DLGAP1: variants seen among roughly 807,000 people sequenced by gnomAD.
DLGAP1 encodes DLG associated protein 1, also known as disks large-associated protein 1.
DLGAP1 carries 11 observed loss-of-function variants against 90.8 expected under a neutral mutation model. The ratio of observed to expected loss-of-function variants is 0.12; its 90% CI spans 0.08 to 0.20. The LOEUF is 0.20. DLGAP1 is among the 10% of genes least tolerant of loss of function. The pLI is 1.00. For missense variants in DLGAP1, 1,050 were observed against 1,333.8 expected (o/e 0.79, Z 3.31); for synonymous variants, 558 against 540.7 (o/e 1.03, Z -0.44).
At chr18:3,974,131 G>A (rs1698254498) in intron 3 of DLGAP1, among the ~76,000 whole-genome samples, 1 of 151,990 alleles carries the variant, frequency 6.6e-6, no homozygotes, top group Non-Finnish European at 1.5e-5. Context: ...CTGGAGTGCA[G>A]TGGCGCAATC....
chr18:4,114,547 G>A (rs148068648), intron 2 of DLGAP1, among the ~76,000 whole-genome samples: 23 of 152,138 alleles, frequency 1.5e-4, no homozygotes, highest in African/African-American at 3.9e-4. Context: ...GGATCTTATC[G>A]TCAGTGAAGA....
intron 2 of DLGAP1, among the ~76,000 whole-genome samples, chr18:4,020,369 T>G (rs1472383421): frequency 2.0e-5 from 3 of 152,204 alleles, no homozygotes; most frequent in African/African-American, 7.2e-5. Context: ...TGAATAATAA[T>G]TCTATGCTTT....
intron 12 of DLGAP1, among the ~76,000 whole-genome samples, chr18:3,500,735 TAA>T (rs2049886234): frequency 1.3e-5 from 2 of 152,224 alleles, no homozygotes; most frequent in African/African-American, 4.8e-5. Context: ...TCAAGCTAAC[TAA>T]TGATTTACTA....
At chr18:3,684,887 G>A (rs2060643021) in intron 7 of DLGAP1, among the ~76,000 whole-genome samples, 1 of 152,234 alleles carries the variant, frequency 6.6e-6, no homozygotes, top group South Asian at 2.1e-4. Context: ...TAACTTATTT[G>A]ATAAAGTCAA....
chr18:4,051,712 T>C (rs758081196), intron 2 of DLGAP1, among the ~76,000 whole-genome samples: 10 of 151,440 alleles, frequency 6.6e-5, no homozygotes, highest in Admixed American at 2.0e-4. Flanking sequence ...AGGTCTCAAC[T>C]CATTCTAGCA....
At chr18:3,772,457 C>T (rs868510272) in intron 5 of DLGAP1, among the ~76,000 whole-genome samples, 1 of 43,396 alleles carries the variant, frequency 2.3e-5, no homozygotes, top group Non-Finnish European at 5.2e-5. Context: ...CCCCCACCCC[C>T]CTCTTTCTTT....
At chr18:3,989,898 G>T in intron 3 of DLGAP1, among the ~76,000 whole-genome samples, 1 of 152,078 alleles carries the variant, frequency 6.6e-6, no homozygotes, top group Non-Finnish European at 1.5e-5. Context: ...ATCATCACTG[G>T]CCATCAGAGA....
chr18:3,570,925 T>A (rs2054740950), intron 8 of DLGAP1, among the ~76,000 whole-genome samples: 2 of 125,612 alleles, frequency 1.6e-5, no homozygotes, highest in African/African-American at 2.9e-5. Flanking sequence ...CAAGACAGTG[T>A]CTCAAAAAAA....
At chr18:3,878,237 A>G (rs1246091588) in intron 4 of DLGAP1, 1 of 151,902 alleles carries the variant, frequency 6.6e-6, no homozygotes, top group Non-Finnish European at 1.5e-5. Context: ...GGAAAAGATG[A>G]GAGTTCTTAT....
Position 4,080,890 on chromosome 18 carries a change from C to CT in DLGAP1, c.-159+70289dup, listed in dbSNP as rs71160939. On this transcript the variant is annotated intron_variant, in intron 2 of 12. Transcript: ENST00000315677. ...ATGCATGTTAATAGATTTGAATGCCCTTTTTTTTTTTTTTTGAGATGAAGT... is the reference window on the plus strand; with the variant it reads ...ATGCATGTTAATAGATTTGAATGCCCTTTTTTTTTTTTTTTTGAGATGAAGT... Among the ~76,000 whole-genome samples the CT allele has an allele frequency of 2.6e-3, 378 of 145,602 alleles. 1 individual carries two copies. The highest frequency in any genetic ancestry group is 3.5e-3 in the Middle Eastern group (1 of 282).
intron 5 of DLGAP1, among the ~76,000 whole-genome samples, chr18:3,768,647 C>T (rs1249190216): frequency 6.6e-6 from 1 of 152,146 alleles, no homozygotes; most frequent in Admixed American, 6.5e-5. Flanking sequence ...CAAAACCTCC[C>T]TAACTGATTA....
chr18:3,758,679 G>T (rs535589376), intron 5 of DLGAP1, among the ~76,000 whole-genome samples: 49 of 152,270 alleles, frequency 3.2e-4, no homozygotes, highest in African/African-American at 1.2e-3. Context: ...TCAAGGGCAG[G>T]AATCACATGT....
At chr18:3,664,796 C>T (rs1425017247) in intron 7 of DLGAP1, among the ~76,000 whole-genome samples, 4 of 152,202 alleles carry the variant, frequency 2.6e-5, no homozygotes, top group Admixed American at 1.3e-4. Context: ...CATGTCTGGA[C>T]ATAGTAAGTG....
At chr18:4,228,842 G>A (rs1353569651) in intron 1 of DLGAP1, among the ~76,000 whole-genome samples, 1 of 151,646 alleles carries the variant, frequency 6.6e-6, no homozygotes, top group African/African-American at 2.4e-5. Flanking sequence ...CCTAGCTAGG[G>A]CAGTCAACAA....
intron 1 of DLGAP1, among the ~76,000 whole-genome samples, chr18:4,177,831 T>C (rs2077136410): frequency 6.6e-6 from 1 of 152,240 alleles, no homozygotes; most frequent in African/African-American, 2.4e-5. Flanking sequence ...CATTCCGTCA[T>C]GAATATGTAC....
At chr18:4,443,899 A>G (rs1326016033) in intron 1 of DLGAP1, among the ~76,000 whole-genome samples, 2 of 152,246 alleles carry the variant, frequency 1.3e-5, no homozygotes, top group African/African-American at 2.4e-5. Flanking sequence ...AACCCAAATT[A>G]CTTGGATATA....
chr18:4,008,830 TAGA>T lies in DLGAP1; in HGVS notation c.-158-3632_-158-3630del, dbSNP rs771640604. 2.3e-3 allele frequency among the ~76,000 whole-genome samples: 357 copies of T among 152,284 alleles called. 2 individuals carry two copies. Among genetic ancestry groups the T allele is most frequent in the African/African-American group, 7.6e-3 (314 of 41,562 alleles). On this transcript the variant is annotated intron_variant, in intron 2 of 12. Transcript: ENST00000315677. Reference sequence around the variant, plus strand: ...AAATGGGAACTGGATTATTCAAAGGTAGAAGAAGAAGAAGAAATGCTGCTGCTG... The same window carrying T: ...AAATGGGAACTGGATTATTCAAAGGTAGAAGAAGAAGAAATGCTGCTGCTG...
intron 1 of DLGAP1, among the ~76,000 whole-genome samples, chr18:4,333,623 A>ATTT (rs373517542): frequency 7.1e-6 from 1 of 141,106 alleles, no homozygotes. Flanking sequence ...TATATATATA[A>ATTT]TTTTTTTTTT....
At chr18:3,952,484 C>G (rs994379567) in intron 3 of DLGAP1, among the ~76,000 whole-genome samples, 8 of 152,188 alleles carry the variant, frequency 5.3e-5, no homozygotes, top group South Asian at 2.1e-4. Context: ...TGGCATCGGA[C>G]CACGGCAAAG....
Sources: allele counts gnomAD v4.1 joint callset (sites outside exome capture counted in the v4.1 genomes callset), GRCh38; gene constraint gnomAD v4.1.1; transcripts MANE v1.5; gene names NCBI Gene and HGNC (gene_info 2026-07-23, HGNC 2026-07-21).